SP110: variants seen among roughly 807,000 people sequenced by gnomAD.
SP110 encodes the protein SP110 nuclear body protein, also known as interferon-induced protein 41, 30kD.
A neutral mutation model predicts 92.7 loss-of-function variants in SP110; 62 were observed. The observed-to-expected ratio is 0.67, with a 90% CI of 0.55 to 0.83. The LOEUF (loss-of-function observed/expected upper bound fraction) is 0.83. Ranked by LOEUF, SP110 falls within the 40% of genes least tolerant of loss-of-function variation. The pLI, the probability that SP110 is intolerant of heterozygous loss-of-function variation, is 0.00. For synonymous variants in SP110, 273 were observed against 305.3 expected, an observed-to-expected ratio of 0.89 and a Z score of 1.10; for missense variants, 793 against 863.9, an observed-to-expected ratio of 0.92 and a Z score of 1.03.
Position 230,166,885 on chromosome 2 carries a change from G to C in SP110, c.*2239C>G, listed in dbSNP as rs555964478. ...GGAACTAGCAACATGTGCTTGACTG[G>C]ATTTCAGAATTGCTATAAATGAGTG... is the stretch of plus-strand genomic sequence containing the variant. On this transcript the variant is annotated 3_prime_UTR_variant, in exon 19 of 19. Coordinates refer to ENST00000258381, the MANE Select transcript of SP110 (RefSeq NM_080424.4). Among the ~76,000 whole-genome samples the C allele has an allele frequency of 6.6e-6, 1 of 152,230 alleles. No individual in the cohort carries two copies. Among genetic ancestry groups the C allele is most frequent in the South Asian group, 2.1e-4 (1 of 4,816 alleles).
At chr2:230,217,038 G>C (rs2045269218) in intron 1 of SP110, 110 bp from the exon 2 acceptor site, 1 of 810,684 alleles carries the variant, frequency 1.2e-6, no homozygotes, top group Admixed American at 2.1e-5. Flanking sequence ...CTGAGGTCAA[G>C]AGATTGAGAC....
rs1308142683 is a variant in SP110, at chr2:230,216,897, C to G, written c.31G>C (p.Ala11Pro). 6.2e-7 allele frequency: 1 copy of G among 1,613,920 alleles called. No individual in the cohort carries two copies. The highest frequency in any genetic ancestry group is 8.5e-7 in the Non-Finnish European group (1 of 1,179,970). Reference protein sequence around the residue: MFTMTRAMEEALFQHFMHQKL... With the variant: MFTMTRAMEEPLFQHFMHQKL... ...TGGTGCATGAAGTGCTGAAAAAGAG[C>G]CTCTTCCATGGCTCTTGTCATGGTG... is the stretch of plus-strand genomic sequence containing the variant. Residue 11 changes from alanine to proline, a missense_variant, in exon 2 of 19, where the codon GCT becomes CCT. By Grantham distance (27) the Ala-to-Pro change is conservative (BLOSUM62 -1). Coordinates refer to ENST00000258381, the MANE Select transcript of SP110 (RefSeq NM_080424.4).
At position 230,219,923 on chromosome 2, in the gene SP110, G is replaced by C. The variant is rs1041915128; in HGVS notation, c.-51C>G. ...GCCCCTTTCCAGGGGCTGGGACAGG[G>C]ATCACTCCTCAAGATTGGGAGAGTT... On this transcript the variant is annotated 5_prime_UTR_variant, in exon 1 of 19. In the 5' UTR this introduces an upstream ATG that the reference lacks. Coordinates refer to ENST00000258381, the MANE Select transcript of SP110 (RefSeq NM_080424.4). 2.0e-6 allele frequency: 2 copies of C among 985,432 alleles called. No individual in the cohort carries two copies. Among genetic ancestry groups the C allele is most frequent in the Admixed American group, 6.1e-5 (1 of 16,266 alleles). The allele number at this position is 985,432 out of a possible 1,614,324, so 61.0% of individuals were successfully genotyped here.
At chr2:230,169,622 C>T (rs1368399637) in intron 18 of SP110, among the ~76,000 whole-genome samples, 1 of 152,102 alleles carries the variant, frequency 6.6e-6, no homozygotes, top group Non-Finnish European at 1.5e-5. Context: ...CATGCCCAGC[C>T]TCACTCTTAT....
intron 3 of SP110, 101 bp downstream of exon 3, chr2:230,214,849 G>A (rs1200772887): frequency 1.0e-6 from 1 of 957,334 alleles, no homozygotes; most frequent in Non-Finnish European, 1.7e-6. Flanking sequence ...CCAGAGAGAA[G>A]GCGGGGGATT....
At chr2:230,191,410 A>C (rs903858875) in intron 10 of SP110, among the ~76,000 whole-genome samples, 1 of 152,200 alleles carries the variant, frequency 6.6e-6, no homozygotes, top group Non-Finnish European at 1.5e-5. Context: ...AAGAAGAGAG[A>C]GAAGAATCAA....
chr2:230,200,260 C>T lies in SP110; in HGVS notation c.1129+625G>A, dbSNP rs140189297. 3.2e-3 allele frequency among the ~76,000 whole-genome samples: 491 copies of T among 152,206 alleles called. 1 individual carries two copies. The highest frequency in any genetic ancestry group is 9.8e-3 in the African/African-American group (405 of 41,524). On this transcript the variant is annotated intron_variant, in intron 10 of 18. Coordinates refer to ENST00000258381, the MANE Select transcript of SP110 (RefSeq NM_080424.4). ...AATGACCATATCACCAGCAAACAGACGAATATCTAGCTGTTTTTTCCCCTC... is the reference window on the plus strand; with the variant it reads ...AATGACCATATCACCAGCAAACAGATGAATATCTAGCTGTTTTTTCCCCTC...
At chr2:230,199,825 T>A (rs2043051614) in intron 10 of SP110, among the ~76,000 whole-genome samples, 1 of 152,216 alleles carries the variant, frequency 6.6e-6, no homozygotes, top group Non-Finnish European at 1.5e-5. Flanking sequence ...TGGGCAATAG[T>A]GAATTGACAA....
At chr2:230,223,054 T>C (rs2045952231), upstream of SP110, among the ~76,000 whole-genome samples, 2 of 151,596 alleles carry the variant, frequency 1.3e-5, no homozygotes, top group South Asian at 4.2e-4. Flanking sequence ...TTTTTTTTTT[T>C]TGAGACAGAG....
Position 230,178,177 on chromosome 2 carries a change from T to C in SP110, c.1427A>G (p.Tyr476Cys), listed in dbSNP as rs148808440. Residue 476 changes from tyrosine (Y) to cysteine (C), a missense_variant, in exon 13 of 19, where the codon TAT becomes TGT. Tyr to Cys is a radical substitution (Grantham distance 194). Transcript: ENST00000258381. ...VTCGEAKGIL[Y>C]KKKMKHGSSV... ...CTCACCGTGTTTCATTTTCTTCTTA[T>C]ATAAAATCCCTTTCGCCTCACCACA... 31 of 1,610,212 alleles carry C rather than the reference T, an allele frequency of 1.9e-5. No homozygotes were observed. Among genetic ancestry groups the C allele is most frequent in the Non-Finnish European group, 2.6e-5 (31 of 1,176,610 alleles).
intron 14 of SP110, among the ~76,000 whole-genome samples, chr2:230,174,807 C>T (rs1182769047): frequency 1.3e-5 from 2 of 152,240 alleles, no homozygotes; most frequent in South Asian, 2.1e-4. Flanking sequence ...TGGAGACAGA[C>T]GGACGTGCTG....
chr2:230,171,827 G>A (rs556568628), intron 16 of SP110, 60 bp from the exon 17 acceptor site: 39 of 1,322,632 alleles, frequency 2.9e-5, no homozygotes, highest in African/African-American at 2.6e-4. Flanking sequence ...GAAGCCAGGC[G>A]AGTGTCTAGA....
rs1135791 is a variant in SP110, at chr2:230,177,560, A to G, written c.1568T>C (p.Met523Thr). ...TACCTTCAGCAGCTCTCCTAGGGTC[A>G]TTCCTTCACAACGTATATTCCGTTT... ...NWKRNIRCEG[M>T]TLGELLKRKN... The change falls in exon 14 of 19, where the codon ATG becomes ACG. Residue 523 changes from methionine (M) to threonine (T), a missense_variant. By Grantham distance (81) the Met-to-Thr change is moderately conservative (BLOSUM62 -1). Transcript: ENST00000258381. 0.47 allele frequency: 755,848 copies of G among 1,612,900 alleles called. 183,714 individuals carry two copies. The highest frequency in any genetic ancestry group is 0.51 in the Non-Finnish European group (599,461 of 1,178,980).
chr2:230,216,487 C>T (rs1026401029), intron 2 of SP110, among the ~76,000 whole-genome samples: 2 of 152,240 alleles, frequency 1.3e-5, no homozygotes, highest in African/African-American at 4.8e-5. Context: ...GGAACCAACC[C>T]TGTCAACACC....
upstream of SP110, among the ~76,000 whole-genome samples, chr2:230,220,275 C>A (rs749812101): frequency 2.0e-5 from 3 of 152,180 alleles, no homozygotes; most frequent in Non-Finnish European, 4.4e-5. Context: ...CTAACCACAT[C>A]TATTTTCCCA....
chr2:230,212,120 T>C (rs1020489883), intron 5 of SP110, among the ~76,000 whole-genome samples: 3 of 152,100 alleles, frequency 2.0e-5, no homozygotes, highest in Non-Finnish European at 4.4e-5. Flanking sequence ...CAGCTAAGGG[T>C]CACTAGTGTG....
At chr2:230,215,236 A>G in intron 2 of SP110, 118 bp from the exon 3 acceptor site, 1 of 797,486 alleles carries the variant, frequency 1.3e-6, no homozygotes, top group South Asian at 1.6e-5. Flanking sequence ...GAAATTCAAC[A>G]TAAAATATAT....
chr2:230,202,743 G>T lies in SP110; in HGVS notation c.899-15C>A, dbSNP rs1424162378. The T allele has an allele frequency of 6.2e-7, 1 of 1,613,908 alleles. No individual in the cohort carries two copies. Among genetic ancestry groups the T allele is most frequent in the Admixed American group, 1.7e-5 (1 of 60,004 alleles). ...TGAGGCTGTCCCTGGACCAAATAAT[G>T]ACTTGTTAATAGTTTAAATTGGGGT... On this transcript the variant is annotated splice_polypyrimidine_tract_variant and intron_variant, in intron 8 of 18. Coordinates refer to ENST00000258381, the MANE Select transcript of SP110 (RefSeq NM_080424.4).
intron 14 of SP110, chr2:230,173,267 C>T (rs1371255458): frequency 8.0e-6 from 3 of 376,258 alleles, no homozygotes; most frequent in Non-Finnish European, 1.6e-5. Flanking sequence ...AGCTGGGCCA[C>T]TCTGGGCGCA....
Sources: allele counts gnomAD v4.1 joint callset (sites outside exome capture counted in the v4.1 genomes callset), GRCh38; gene constraint gnomAD v4.1.1; transcripts MANE v1.5; gene names NCBI Gene and HGNC (gene_info 2026-07-23, HGNC 2026-07-21).